The following UNC79 variants were observed in gnomAD, a reference collection of about 807,000 sequenced individuals.
UNC79 encodes protein unc-79 homolog.
Under a neutral mutation model 283.1 loss-of-function variants are expected in UNC79, and 37 were observed. That is an observed-to-expected ratio of 0.13 (90% CI 0.10 to 0.17). The LOEUF is 0.17. Among genes scored for constraint, UNC79 ranks in the 10% least tolerant of loss-of-function variants. The pLI is 1.00. For missense variants in UNC79, 2,272 were observed against 3,211.1 expected (o/e 0.71, Z 7.07); for synonymous variants, 1,107 against 1,200.2 (o/e 0.92, Z 1.61).
intron 1 of UNC79, among the ~76,000 whole-genome samples, chr14:93,411,498 C>T (rs2055335245): frequency 6.6e-6 from 1 of 152,212 alleles, no homozygotes; most frequent in Non-Finnish European, 1.5e-5. Flanking sequence ...GGTTGAGGCC[C>T]AGTGCTGTGC....
At chr14:93,651,087 A>T (rs1185004270) in intron 35 of UNC79, among the ~76,000 whole-genome samples, 1 of 152,138 alleles carries the variant, frequency 6.6e-6, no homozygotes, top group Non-Finnish European at 1.5e-5. Context: ...CTTAGAAACC[A>T]TGGAAGGGTG....
At chr14:93,487,250 C>T (rs891427927) in intron 4 of UNC79, among the ~76,000 whole-genome samples, 1 of 152,142 alleles carries the variant, frequency 6.6e-6, no homozygotes, top group Admixed American at 6.5e-5. Flanking sequence ...AAAATTAATA[C>T]ATTCAATTTG....
intron 1 of UNC79, among the ~76,000 whole-genome samples, chr14:93,453,508 A>G (rs753545990): frequency 2.0e-5 from 3 of 152,218 alleles, no homozygotes; most frequent in Non-Finnish European, 4.4e-5. Flanking sequence ...CTGAATTTAT[A>G]CTTTCTTGAA....
intron 35 of UNC79, 82 bp downstream of exon 38, chr14:93,646,728 G>T: frequency 6.6e-7 from 1 of 1,513,710 alleles, no homozygotes. Flanking sequence ...ACCAGTGTGG[G>T]GCTGGGTGCA....
chr14:93,512,481 G>T (rs66467466), intron 7 of UNC79, among the ~76,000 whole-genome samples: 11,619 of 151,924 alleles, frequency 0.076, 500 homozygotes, highest in Middle Eastern at 0.14. Flanking sequence ...TATTTATTCT[G>T]CCATTTCTGT....
At chr14:93,460,982 C>T (rs1203937919) in intron 1 of UNC79, among the ~76,000 whole-genome samples, 1 of 152,150 alleles carries the variant, frequency 6.6e-6, no homozygotes, top group African/African-American at 2.4e-5. Context: ...GATTCTCTTA[C>T]ATAAAGGAAA....
intron 7 of UNC79, among the ~76,000 whole-genome samples, chr14:93,517,329 T>C (rs199650510): frequency 0.29 from 40,316 of 141,290 alleles, 5,799 homozygotes; most frequent in East Asian, 0.63. Context: ...CCTTCTCTTT[T>C]TTTTTTTTTT....
intron 1 of UNC79, among the ~76,000 whole-genome samples, chr14:93,349,573 A>G (rs545937937): frequency 2.0e-5 from 3 of 152,062 alleles, no homozygotes; most frequent in South Asian, 4.1e-4. Flanking sequence ...CTTCCCTTTT[A>G]TGGGCTGATC....
chr14:93,689,992 C>T (rs749337163), intron 44 of UNC79, 125 bp from the exon 48 acceptor site: 6 of 998,498 alleles, frequency 6.0e-6, no homozygotes, highest in South Asian at 3.2e-5. Flanking sequence ...ATTGCCTTGG[C>T]GTTTTGTTTT....
At chr14:93,348,734 C>A (rs1452310178) in intron 1 of UNC79, among the ~76,000 whole-genome samples, 1 of 152,158 alleles carries the variant, frequency 6.6e-6, no homozygotes, top group Non-Finnish European at 1.5e-5. Context: ...TTTGAACTGT[C>A]TTAGCTGTTG....
Position 93,616,516 on chromosome 14 carries a change from G to A in UNC79, c.4042-606G>A, listed in dbSNP as rs183035249. Among the ~76,000 whole-genome samples, 219 of 151,926 alleles carry A rather than the reference G, an allele frequency of 1.4e-3. 1 individual carries two copies. The highest frequency in any genetic ancestry group is 1.4e-3 in the Non-Finnish European group (95 of 67,934). On this transcript the variant is annotated intron_variant, in intron 27 of 48. Coordinates refer to ENST00000555664, the Ensembl canonical transcript of UNC79. The stretch of plus-strand genomic sequence containing the variant: ...CCCGAGTAGCTAGGACTATAGGTGT[G>A]TGCCACCACACCGAATTAACTTATT...
chr14:93,490,889 T>G (rs976017098), intron 5 of UNC79, among the ~76,000 whole-genome samples: 1 of 152,230 alleles, frequency 6.6e-6, no homozygotes, highest in African/African-American at 2.4e-5. Context: ...TTTTTAGCTG[T>G]TTGTTACAGC....
chr14:93,563,220 G>A (rs1397910315), intron 14 of UNC79, among the ~76,000 whole-genome samples: 1 of 152,160 alleles, frequency 6.6e-6, no homozygotes, highest in African/African-American at 2.4e-5. Flanking sequence ...GAGAAAAACT[G>A]CCATGAGGGA....
intron 30 of UNC79, among the ~76,000 whole-genome samples, chr14:93,626,047 A>T (rs978229377): frequency 1.3e-5 from 2 of 152,202 alleles, no homozygotes; most frequent in African/African-American, 4.8e-5. Flanking sequence ...AATAAAATTT[A>T]AAAAAAGAAA....
At chr14:93,501,572 C>T (rs1344816758) in intron 7 of UNC79, among the ~76,000 whole-genome samples, 1 of 151,936 alleles carries the variant, frequency 6.6e-6, no homozygotes, top group Non-Finnish European at 1.5e-5. Flanking sequence ...CCTATAATCC[C>T]AGCTACTTGG....
chr14:93,368,716 C>T (rs538097160), intron 1 of UNC79, among the ~76,000 whole-genome samples: 2 of 152,286 alleles, frequency 1.3e-5, no homozygotes, highest in Admixed American at 6.5e-5. Flanking sequence ...AAGTGATCCA[C>T]CCGCCTCAGC....
At chr14:93,610,585 G>A (rs1419618854) in intron 26 of UNC79, among the ~76,000 whole-genome samples, 1 of 151,884 alleles carries the variant, frequency 6.6e-6, no homozygotes, top group East Asian at 1.9e-4. Context: ...CAAATCTAGA[G>A]TAAATATTTT....
At chr14:93,544,957 A>G (rs2061530672) in intron 14 of UNC79, among the ~76,000 whole-genome samples, 1 of 152,148 alleles carries the variant, frequency 6.6e-6, no homozygotes, top group Non-Finnish European at 1.5e-5. Context: ...TGAATTTTAT[A>G]TCATATTGTC....
chr14:93,479,615 C>T (rs2058017631), intron 4 of UNC79, among the ~76,000 whole-genome samples: 2 of 151,970 alleles, frequency 1.3e-5, no homozygotes, highest in Non-Finnish European at 2.9e-5. Flanking sequence ...TCCCTTCCTC[C>T]CTTCCTCTCT....
Sources: gnomAD v4.1 joint callset for allele counts (sites outside exome capture counted in the v4.1 genomes callset) on GRCh38, gnomAD v4.1.1 for gene constraint, MANE v1.5 for transcripts, NCBI Gene and HGNC (gene_info 2026-07-23, HGNC 2026-07-21) for gene names.